SH3BGRL2: variants seen among roughly 807,000 people sequenced by gnomAD.
SH3BGRL2 encodes the protein SH3 domain-binding glutamic acid-rich-like protein 2.
A neutral mutation model predicts 14.8 loss-of-function variants in SH3BGRL2; 21 were observed. The observed-to-expected ratio is 1.42, with a 90% CI of 1.01 to 2.05. SH3BGRL2 has a LOEUF of 2.05. Ranked by LOEUF, SH3BGRL2 falls within the 30% of genes most tolerant of loss-of-function variation. SH3BGRL2 has a pLI of 0.00. For synonymous variants in SH3BGRL2, 50 were observed against 47.8 expected (o/e 1.05, Z -0.19); for missense variants, 147 against 130.8 (o/e 1.12, Z -0.61).
chr6:79,609,128 G>T, the SH3BGRL2 span, among the ~76,000 whole-genome samples: 1 of 152,110 alleles, frequency 6.6e-6, no homozygotes, highest in Admixed American at 6.6e-5. Context: ...CCTCCTCATT[G>T]GTAAGCAACA....
In SH3BGRL2 at chr6:79,631,510, A is replaced by G; in HGVS notation, c.45+4A>G. The G allele has an allele frequency of 2.0e-6, 3 of 1,464,178 alleles. No homozygotes were observed. Among genetic ancestry groups the G allele is most frequent in the South Asian group, 1.4e-5 (1 of 69,172 alleles). The allele number at this position is 1,464,178 out of a possible 1,614,324, so 90.7% of individuals were successfully genotyped here. On this transcript the variant is annotated splice_donor_region_variant and intron_variant, in intron 1 of 3. Transcript: ENST00000369838. ...CTCTTCCTCGGGCTTCGTGGCGGTGAGCGCGGTGGGGGCGGGCAGTAGGTT... is the reference window on the plus strand; with the variant it reads ...CTCTTCCTCGGGCTTCGTGGCGGTGGGCGCGGTGGGGGCGGGCAGTAGGTT...
At chr6:79,658,682 G>A (rs953766054) in intron 1 of SH3BGRL2, among the ~76,000 whole-genome samples, 4 of 152,082 alleles carry the variant, frequency 2.6e-5, no homozygotes, top group Non-Finnish European at 4.4e-5. Flanking sequence ...TAGGTCAAAT[G>A]GTATTTCTAG....
intron 2 of SH3BGRL2, among the ~76,000 whole-genome samples, chr6:79,690,927 A>G (rs1317766630): frequency 6.6e-6 from 1 of 152,204 alleles, no homozygotes; most frequent in East Asian, 1.9e-4. Context: ...TTTCTCTAAA[A>G]AGAGGGGTTA....
the SH3BGRL2 span, among the ~76,000 whole-genome samples, chr6:79,555,800 G>A: frequency 0.16 from 24,070 of 152,152 alleles, 2,115 homozygotes; most frequent in South Asian, 0.22. Context: ...GAGCCACCGC[G>A]CCCGGCCCAA....
intron 2 of SH3BGRL2, among the ~76,000 whole-genome samples, chr6:79,679,326 T>G (rs1338496380): frequency 6.6e-6 from 1 of 152,122 alleles, no homozygotes; most frequent in Non-Finnish European, 1.5e-5. Flanking sequence ...GAGATGCATC[T>G]CATTGTGGTT....
In SH3BGRL2 at chr6:79,701,761, G is replaced by A. The variant is rs1770462909; in HGVS notation, c.*2252G>A. 1 of 152,006 alleles carries A rather than the reference G, an allele frequency of 6.6e-6. No homozygotes were observed. The highest frequency in any genetic ancestry group is 1.5e-5 in the Non-Finnish European group (1 of 68,006). 9.4% of individuals were successfully genotyped at this position (152,006 alleles called of 1,614,324 possible). A position where few individuals can be genotyped will look rare whatever the true frequency, so the allele number is the denominator to read the frequency against. On this transcript the variant is annotated 3_prime_UTR_variant, in exon 4 of 4. Coordinates refer to ENST00000369838, the MANE Select transcript of SH3BGRL2 (RefSeq NM_031469.4). ...ATGTTGCCCTCTGGGACCACACTTA[G>A]CTCAGAGAATATGGGGTCCTTACTT...
chr6:79,541,806 C>T, the SH3BGRL2 span, among the ~76,000 whole-genome samples: 1 of 152,064 alleles, frequency 6.6e-6, no homozygotes, highest in Non-Finnish European at 1.5e-5. Context: ...ATAGATGTCC[C>T]CAAAAGTGAT....
the SH3BGRL2 span, among the ~76,000 whole-genome samples, chr6:79,607,074 T>C: frequency 6.6e-6 from 1 of 152,196 alleles, no homozygotes; most frequent in Non-Finnish European, 1.5e-5. Flanking sequence ...AGCAATAGTT[T>C]TATGAGAATA....
the SH3BGRL2 span, among the ~76,000 whole-genome samples, chr6:79,611,404 CTTTTT>C: frequency 8.1e-6 from 1 of 123,686 alleles, no homozygotes; most frequent in Non-Finnish European, 1.7e-5. Context: ...CAGTATATAA[CTTTTT>C]TTTTTTTTTT....
the SH3BGRL2 span, among the ~76,000 whole-genome samples, chr6:79,538,049 T>TTTTTTTTTTTTTTTTTTTG: frequency 8.2e-6 from 1 of 121,358 alleles, no homozygotes; most frequent in Non-Finnish European, 1.7e-5. Flanking sequence ...TTTTTTTTTT[T>TTTTTTTTTTTTTTTTTTTG]TTTTTAAGGA....
intron 1 of SH3BGRL2, among the ~76,000 whole-genome samples, chr6:79,671,300 C>G (rs1356189273): frequency 1.3e-5 from 2 of 152,114 alleles, no homozygotes; most frequent in Non-Finnish European, 1.5e-5. Flanking sequence ...AACCCCATCT[C>G]TACTGAAAAT....
the SH3BGRL2 span, among the ~76,000 whole-genome samples, chr6:79,613,610 CT>C: frequency 1.3e-5 from 2 of 151,202 alleles, no homozygotes; most frequent in East Asian, 1.9e-4. Context: ...AAAAGGAACT[CT>C]TTTTTTTTCT....
chr6:79,547,915 G>A, the SH3BGRL2 span, among the ~76,000 whole-genome samples: 548 of 152,038 alleles, frequency 3.6e-3, 7 homozygotes, highest in African/African-American at 0.011. Context: ...GCCCAGGCTG[G>A]AGTGCAGGGG....
chr6:79,604,810 T>C, the SH3BGRL2 span, among the ~76,000 whole-genome samples: 1 of 152,196 alleles, frequency 6.6e-6, no homozygotes, highest in East Asian at 1.9e-4. Context: ...AGCAGCTGAC[T>C]GAGATGACTA....
intron 1 of SH3BGRL2, among the ~76,000 whole-genome samples, chr6:79,635,258 C>A (rs1768900896): frequency 6.6e-6 from 1 of 152,086 alleles, no homozygotes; most frequent in Non-Finnish European, 1.5e-5. Flanking sequence ...TGGACGGAAA[C>A]CTAAAGATAT....
At chr6:79,666,164 G>A (rs917804247) in intron 1 of SH3BGRL2, among the ~76,000 whole-genome samples, 3 of 152,156 alleles carry the variant, frequency 2.0e-5, no homozygotes, top group Non-Finnish European at 4.4e-5. Flanking sequence ...TAAGTCTGGA[G>A]GCTGAACTTG....
chr6:79,589,455 GA>G, the SH3BGRL2 span, among the ~76,000 whole-genome samples: 1 of 152,006 alleles, frequency 6.6e-6, no homozygotes, highest in Non-Finnish European at 1.5e-5. Flanking sequence ...GATGATGTGT[GA>G]TAAATCAGTC....
chr6:79,577,549 TTTAACATAC>T, the SH3BGRL2 span, among the ~76,000 whole-genome samples: 3 of 152,128 alleles, frequency 2.0e-5, no homozygotes, highest in Non-Finnish European at 4.4e-5. Flanking sequence ...ACTGATCTAG[TTTAACATAC>T]TAGAAAGGTA....
chr6:79,589,208 T>TATA, the SH3BGRL2 span, among the ~76,000 whole-genome samples: 2,477 of 79,558 alleles, frequency 0.031, 64 homozygotes, highest in African/African-American at 0.086. Flanking sequence ...ATATATATAT[T>TATA]TTTTTTTTTT....
Sources: allele counts gnomAD v4.1 joint callset (sites outside exome capture counted in the v4.1 genomes callset), GRCh38; gene constraint gnomAD v4.1.1; transcripts MANE v1.5; gene names NCBI Gene and HGNC (gene_info 2026-07-23, HGNC 2026-07-21).